MMP26: variants seen among roughly 807,000 people sequenced by gnomAD.
MMP26 encodes the protein matrix metallopeptidase 26.
Under a neutral mutation model 31.0 loss-of-function variants are expected in MMP26, and 33 were observed. The ratio of observed to expected loss-of-function variants is 1.06; its 90% CI spans 0.81 to 1.42. The LOEUF is 1.42. Ranked by LOEUF, MMP26 falls within the 40% of genes most tolerant of loss-of-function variation. The pLI, the probability that MMP26 is intolerant of heterozygous loss-of-function variation, is 0.00. For synonymous variants in MMP26, 122 were observed against 114.9 expected (o/e 1.06, Z -0.40); for missense variants, 347 against 316.1 (o/e 1.10, Z -0.74).
chr11:4,762,955 G>A (rs1051245321), intron 1 of MMP26, among the ~76,000 whole-genome samples: 3 of 152,280 alleles, frequency 2.0e-5, no homozygotes, highest in East Asian at 1.9e-4. Context: ...TTAAAGAAAA[G>A]TACACAGGAT....
chr11:4,738,426 T>C (rs1172872974), intron 1 of MMP26, among the ~76,000 whole-genome samples: 1 of 152,138 alleles, frequency 6.6e-6, no homozygotes, highest in Non-Finnish European at 1.5e-5. Context: ...CGTGAGAAAA[T>C]ATCTCATCAA....
chr11:4,748,620 A>G (rs1196757398), intron 1 of MMP26, among the ~76,000 whole-genome samples: 1 of 151,816 alleles, frequency 6.6e-6, no homozygotes, highest in African/African-American at 2.4e-5. Context: ...TTTATTCCAC[A>G]GATTCAAGGA....
chr11:4,791,573 A>G (rs1211027729), intron 2 of MMP26, among the ~76,000 whole-genome samples: 1 of 152,132 alleles, frequency 6.6e-6, no homozygotes, highest in African/African-American at 2.4e-5. Context: ...ATACTATCAC[A>G]ACAAATTGTT....
intron 2 of MMP26, among the ~76,000 whole-genome samples, chr11:4,819,304 G>A (rs564643443): frequency 6.6e-6 from 1 of 152,202 alleles, no homozygotes; most frequent in South Asian, 2.1e-4. Flanking sequence ...TGAAAATGGG[G>A]GAGATAATTT....
At chr11:4,908,256 G>C (rs148854854) in intron 2 of MMP26, 1 of 1,614,086 alleles carries the variant, frequency 6.2e-7, no homozygotes, top group South Asian at 1.1e-5. Flanking sequence ...GTAAAGACTC[G>C]ACAAATCTGG....
intron 2 of MMP26, chr11:4,768,968 A>C (rs1346633628): frequency 3.4e-6 from 5 of 1,487,572 alleles, no homozygotes; most frequent in Non-Finnish European, 3.6e-6. Context: ...ATCAAATAAA[A>C]CTATGTCTGT....
intron 2 of MMP26, among the ~76,000 whole-genome samples, chr11:4,850,426 C>A (rs1369935142): frequency 6.6e-6 from 1 of 152,060 alleles, no homozygotes; most frequent in Non-Finnish European, 1.5e-5. Context: ...ATCAATTTCC[C>A]AAAATAAAAA....
chr11:4,804,033 C>G (rs1471772997), intron 2 of MMP26: 12 of 1,613,732 alleles, frequency 7.4e-6, no homozygotes, highest in Admixed American at 1.7e-5. Context: ...CCATGAGCAC[C>G]CCAGACTCCA....
intron 2 of MMP26, chr11:4,859,476 C>T: frequency 2.8e-6 from 1 of 351,792 alleles, no homozygotes; most frequent in South Asian, 2.2e-5. Context: ...TGTTATGTAT[C>T]TTCACCCACA....
intron 1 of MMP26, among the ~76,000 whole-genome samples, chr11:4,744,870 A>G (rs1176360754): frequency 1.3e-5 from 2 of 152,168 alleles, no homozygotes; most frequent in East Asian, 3.8e-4. Flanking sequence ...TTATTAACCT[A>G]TCTATGACCT....
At chr11:4,867,253 C>T (rs1456258075) in intron 2 of MMP26, among the ~76,000 whole-genome samples, 1 of 151,864 alleles carries the variant, frequency 6.6e-6, no homozygotes, top group Admixed American at 6.6e-5. Context: ...AACAAACAAC[C>T]CCATTAAAAA....
chr11:4,773,515 A>G (rs1331093216), intron 2 of MMP26, among the ~76,000 whole-genome samples: 3 of 152,048 alleles, frequency 2.0e-5, no homozygotes, highest in Non-Finnish European at 4.4e-5. Context: ...TTCAAATGAG[A>G]CACAGCCTTT....
chr11:4,732,315 G>A (rs1178209488), intron 1 of MMP26, among the ~76,000 whole-genome samples: 1 of 152,044 alleles, frequency 6.6e-6, no homozygotes, highest in Non-Finnish European at 1.5e-5. Flanking sequence ...AACTGTGAAT[G>A]TAATCTTTTT....
At chr11:4,705,100 C>T (rs1847757416) in intron 1 of MMP26, 55 bp downstream of exon 1, 1 of 152,154 alleles carries the variant, frequency 6.6e-6, no homozygotes, top group African/African-American at 2.4e-5. Flanking sequence ...ACTGTATAAC[C>T]TTCAGATAGT....
At chr11:4,949,833 C>G (rs1483076555) in intron 2 of MMP26, among the ~76,000 whole-genome samples, 1 of 67,996 alleles carries the variant, frequency 1.5e-5, no homozygotes, top group Admixed American at 1.4e-4. Flanking sequence ...AAACACTAAA[C>G]TTATTTTAAT....
intron 1 of MMP26, among the ~76,000 whole-genome samples, chr11:4,717,523 G>GT (rs199894702): frequency 6.7e-6 from 1 of 149,448 alleles, no homozygotes; most frequent in African/African-American, 2.5e-5. Context: ...ATATTTCCAT[G>GT]TTGTTTTTTT....
At chr11:4,807,388 C>T (rs1017792028) in intron 2 of MMP26, among the ~76,000 whole-genome samples, 3 of 152,114 alleles carry the variant, frequency 2.0e-5, no homozygotes, top group African/African-American at 7.2e-5. Context: ...TAATGATAGA[C>T]TGGATTAAGA....
intron 2 of MMP26, among the ~76,000 whole-genome samples, chr11:4,810,831 A>T (rs1284752747): frequency 6.6e-6 from 1 of 152,240 alleles, no homozygotes; most frequent in African/African-American, 2.4e-5. Flanking sequence ...AGATTTTTAA[A>T]TCTAATGTTT....
intron 2 of MMP26, chr11:4,946,390 CT>C (rs1846305222): frequency 1.2e-6 from 2 of 1,613,396 alleles, no homozygotes; most frequent in South Asian, 2.2e-5. Flanking sequence ...TATTGAGAGC[CT>C]TAAGCTGCTC....
Sources: gnomAD v4.1 joint callset for allele counts (sites outside exome capture counted in the v4.1 genomes callset) on GRCh38, gnomAD v4.1.1 for gene constraint, MANE v1.5 for transcripts, NCBI Gene and HGNC (gene_info 2026-07-23, HGNC 2026-07-21) for gene names.